CCDC7: variants seen among roughly 807,000 people sequenced by gnomAD.
CCDC7 encodes coiled-coil domain-containing protein 7.
In CCDC7, 183 loss-of-function variants were observed where a neutral mutation model predicts 196.9. That is an observed-to-expected ratio of 0.93 (90% CI 0.82 to 1.05). The LOEUF (loss-of-function observed/expected upper bound fraction) is 1.05. CCDC7 is among the 50% of genes least tolerant of loss of function. The pLI is 0.00. For synonymous variants in CCDC7, 525 were observed against 484.6 expected, an observed-to-expected ratio of 1.08 and a Z score of -1.10; for missense variants, 1,540 against 1,482.2, an observed-to-expected ratio of 1.04 and a Z score of -0.64.
chr10:32,475,933 T>A (rs927068974), intron 8 of CCDC7, among the ~76,000 whole-genome samples: 2 of 152,266 alleles, frequency 1.3e-5, no homozygotes, highest in East Asian at 3.9e-4. Context: ...CACAGAAAAA[T>A]TGAACAGAAA....
chr10:32,495,922 C>T lies in CCDC7; in HGVS notation c.872+3925C>T, dbSNP rs148206624. Among the ~76,000 whole-genome samples, 661 of 152,040 alleles carry T rather than the reference C, an allele frequency of 4.3e-3. 3 individuals are homozygous for T. Among genetic ancestry groups the T allele is most frequent in the African/African-American group, 0.015 (629 of 41,464 alleles). ...ATTTAAAGTAGTTTTTTTTCTAATT[C>T]TGTGAAGAAAGTCAATAGTAGCTTG... On this transcript the variant is annotated intron_variant, in intron 9 of 41. Coordinates refer to ENST00000639629, the Ensembl canonical transcript of CCDC7.
chr10:32,669,138 C>T (rs892828450), intron 21 of CCDC7, among the ~76,000 whole-genome samples: 1 of 151,992 alleles, frequency 6.6e-6, no homozygotes. Flanking sequence ...GATGTTTTTT[C>T]TGCATCTATT....
intron 13 of CCDC7, among the ~76,000 whole-genome samples, chr10:32,562,291 A>C (rs576367367): frequency 3.3e-5 from 5 of 152,300 alleles, no homozygotes; most frequent in African/African-American, 1.2e-4. Flanking sequence ...ATCCTCCCTA[A>C]CTCATTTTAT....
intron 29 of CCDC7, among the ~76,000 whole-genome samples, chr10:32,794,771 T>C (rs2083281432): frequency 6.6e-6 from 1 of 152,174 alleles, no homozygotes; most frequent in African/African-American, 2.4e-5. Flanking sequence ...TTTAATGGGG[T>C]TATTTGCTTT....
At chr10:32,663,655 T>C (rs992856849) in intron 20 of CCDC7, among the ~76,000 whole-genome samples, 1 of 152,096 alleles carries the variant, frequency 6.6e-6, no homozygotes, top group African/African-American at 2.4e-5. Flanking sequence ...AATTATAATA[T>C]ATACCTTTTT....
At chr10:32,655,920 A>G (rs1413033512) in intron 20 of CCDC7, among the ~76,000 whole-genome samples, 1 of 152,108 alleles carries the variant, frequency 6.6e-6, no homozygotes, top group African/African-American at 2.4e-5. Context: ...TTAATATTGA[A>G]TTGATTGCAT....
At chr10:32,650,244 G>C (rs768915803) in intron 20 of CCDC7, among the ~76,000 whole-genome samples, 25 of 152,162 alleles carry the variant, frequency 1.6e-4, no homozygotes, top group South Asian at 1.0e-3. Context: ...TAAAATTCTT[G>C]TTCTTGGTTT....
chr10:32,522,409 T>A (rs1589481792), intron 11 of CCDC7, among the ~76,000 whole-genome samples: 1 of 152,162 alleles, frequency 6.6e-6, no homozygotes, highest in East Asian at 1.9e-4. Flanking sequence ...GTAGGTTATA[T>A]GGGTCTAGAA....
chr10:32,810,533 C>G (rs1375936760), intron 30 of CCDC7, among the ~76,000 whole-genome samples: 2 of 152,022 alleles, frequency 1.3e-5, no homozygotes, highest in African/African-American at 4.8e-5. Context: ...AATATTAAAT[C>G]TAAAGGGACA....
intron 29 of CCDC7, among the ~76,000 whole-genome samples, chr10:32,792,873 T>C (rs1045968259): frequency 2.6e-5 from 4 of 151,914 alleles, no homozygotes; most frequent in Non-Finnish European, 4.4e-5. Flanking sequence ...GAATCAAAGC[T>C]TAGAACTACA....
chr10:32,704,657 C>A (rs2079380085), intron 24 of CCDC7, among the ~76,000 whole-genome samples: 1 of 152,098 alleles, frequency 6.6e-6, no homozygotes, highest in Non-Finnish European at 1.5e-5. Flanking sequence ...TGGGCTCCAC[C>A]CAGTTCGAAC....
At position 32,521,432 on chromosome 10, in the gene CCDC7, C is replaced by T. The variant is rs143930399; in HGVS notation, c.993+2927C>T. On this transcript the variant is annotated intron_variant, in intron 11 of 41. Transcript: ENST00000639629. ...AGATCTTTCACTTCTTTGGTTAATA[C>T]GTAGGTGTTTAATTTGTGGCTATTG... Among the ~76,000 whole-genome samples, 917 of 151,990 alleles carry T rather than the reference C, an allele frequency of 6.0e-3. 9 individuals are homozygous for T. Among genetic ancestry groups the T allele is most frequent in the African/African-American group, 0.021 (871 of 41,514 alleles).
chr10:32,455,425 G>A (rs926502204), intron 2 of CCDC7, among the ~76,000 whole-genome samples: 7 of 151,792 alleles, frequency 4.6e-5, no homozygotes, highest in Middle Eastern at 3.4e-3. Flanking sequence ...AGCGCTTTTC[G>A]TGCCTCAGCC....
chr10:32,765,430 A>G (rs974460689), intron 28 of CCDC7, among the ~76,000 whole-genome samples: 2 of 151,958 alleles, frequency 1.3e-5, no homozygotes, highest in African/African-American at 4.8e-5. Flanking sequence ...AGCTGAACTC[A>G]TCCTCTTGTC....
chr10:32,833,353 TAA>T (rs71185223), intron 32 of CCDC7, among the ~76,000 whole-genome samples: 27,250 of 149,964 alleles, frequency 0.18, 3,203 homozygotes, highest in Non-Finnish European at 0.27. Context: ...ACCCTTTTTT[TAA>T]AAAAAAAAAA....
chr10:32,702,621 G>A (rs1351145654), intron 24 of CCDC7, among the ~76,000 whole-genome samples: 1 of 152,130 alleles, frequency 6.6e-6, no homozygotes, highest in Non-Finnish European at 1.5e-5. Flanking sequence ...ACAGTGGGGT[G>A]TTAAAGTCTC....
chr10:32,702,535 T>C (rs539705229), intron 24 of CCDC7, among the ~76,000 whole-genome samples: 1 of 152,302 alleles, frequency 6.6e-6, no homozygotes, highest in South Asian at 2.1e-4. Flanking sequence ...GTCTATTAGG[T>C]CCGCTTGGTG....
At chr10:32,697,670 G>A (rs368139733) in intron 24 of CCDC7, among the ~76,000 whole-genome samples, 38 of 152,154 alleles carry the variant, frequency 2.5e-4, no homozygotes, top group African/African-American at 8.9e-4. Flanking sequence ...AAAGCAACTG[G>A]GAAGCTCGAA....
At position 32,762,363 on chromosome 10, in the gene CCDC7, T is replaced by A. The variant is rs548234391; in HGVS notation, c.2906-16614T>A. On this transcript the variant is annotated intron_variant, in intron 28 of 41. Transcript: ENST00000639629. ...TCCTGGAAGTGGTTTGTTGGCACACTCTTCCAGAAGCTGCCTGATATATAT... is the reference window on the plus strand; with the variant it reads ...TCCTGGAAGTGGTTTGTTGGCACACACTTCCAGAAGCTGCCTGATATATAT... Among the ~76,000 whole-genome samples, 278 of 151,874 alleles carry A rather than the reference T, an allele frequency of 1.8e-3. 1 individual carries two copies. The highest frequency in any genetic ancestry group is 3.2e-3 in the Non-Finnish European group (217 of 67,856).
Sources: allele counts gnomAD v4.1 joint callset (sites outside exome capture counted in the v4.1 genomes callset), GRCh38; gene constraint gnomAD v4.1.1; transcripts MANE v1.5; gene names NCBI Gene and HGNC (gene_info 2026-07-23, HGNC 2026-07-21).